WAPL: variants seen among roughly 807,000 people sequenced by gnomAD.
The protein encoded by WAPL is WAPL cohesin release factor.
A neutral mutation model predicts 121.0 loss-of-function variants in WAPL; 5 were observed. The ratio of observed to expected loss-of-function variants is 0.04; its 90% CI spans 0.02 to 0.09. The LOEUF is 0.09. Ranked by LOEUF, WAPL falls within the 10% of genes least tolerant of loss-of-function variation. WAPL has a pLI of 1.00. For synonymous variants in WAPL, 480 were observed against 481.5 expected (o/e 1.00, Z 0.04); for missense variants, 999 against 1,410.8 (o/e 0.71, Z 4.68).
rs1486178730 is a variant in WAPL, at chr10:86,453,334, C to T, written c.2835G>A (p.Glu945=). The T allele has an allele frequency of 1.2e-6, 2 of 1,613,974 alleles. No individual in the cohort carries two copies. Among genetic ancestry groups the T allele is most frequent in the Admixed American group, 1.7e-5 (1 of 60,004 alleles). Residue 945 remains glutamate (E), a splice_region_variant and synonymous_variant, in exon 14 of 19, where the codon GAG becomes GAA. Coordinates refer to ENST00000298767, the MANE Select transcript of WAPL (RefSeq NM_015045.5). Reference sequence around the variant, plus strand: ...GCTCTCCTGTTTTGGTGCTGCCCCACTCTGAAATAAGAAATGGATACAGGA... The same window carrying T: ...GCTCTCCTGTTTTGGTGCTGCCCCATTCTGAAATAAGAAATGGATACAGGA... ...GVLLNLTNDN[E]WGSTKTGEQD...
At chr10:86,452,919 A>G (rs1841024758) in intron 14 of WAPL, among the ~76,000 whole-genome samples, 1 of 151,270 alleles carries the variant, frequency 6.6e-6, no homozygotes, top group Non-Finnish European at 1.5e-5. Context: ...ACATGCCTAC[A>G]GTCCCAGCAC....
At chr10:86,447,680 T>C (rs1376948026) in intron 15 of WAPL, among the ~76,000 whole-genome samples, 1 of 152,104 alleles carries the variant, frequency 6.6e-6, no homozygotes, top group Non-Finnish European at 1.5e-5. Context: ...GTTAGGCATA[T>C]CAACTTTAAA....
intron 4 of WAPL, among the ~76,000 whole-genome samples, chr10:86,485,198 T>TA (rs1841902017): frequency 6.6e-6 from 1 of 150,770 alleles, no homozygotes; most frequent in African/African-American, 2.4e-5. Context: ...TCCTGGGAAA[T>TA]AAGAGTAAAA....
intron 4 of WAPL, among the ~76,000 whole-genome samples, chr10:86,477,533 T>C (rs1221676879): frequency 6.6e-6 from 1 of 152,204 alleles, no homozygotes; most frequent in Middle Eastern, 3.2e-3. Context: ...CCAGGTACCG[T>C]GACTCATGCC....
chr10:86,519,779 T>C (rs1842636084), intron 1 of WAPL, among the ~76,000 whole-genome samples: 1 of 152,212 alleles, frequency 6.6e-6, no homozygotes, highest in Non-Finnish European at 1.5e-5. Context: ...TACGTACACA[T>C]ACACACCAAC....
At chr10:86,520,399 A>C (rs1195782167) in intron 1 of WAPL, among the ~76,000 whole-genome samples, 1 of 152,254 alleles carries the variant, frequency 6.6e-6, no homozygotes, top group African/African-American at 2.4e-5. Flanking sequence ...ATTTTCCAAC[A>C]TTAAGGAATG....
At chr10:86,512,910 CTTGT>C (rs1343469916) in intron 2 of WAPL, among the ~76,000 whole-genome samples, 10 of 152,100 alleles carry the variant, frequency 6.6e-5, no homozygotes, top group Non-Finnish European at 1.5e-4. Context: ...ACGTTTTCTT[CTTGT>C]TTAAGGAACA....
At chr10:86,489,960 ACT>A (rs1491305897) in intron 4 of WAPL, among the ~76,000 whole-genome samples, 1 of 151,780 alleles carries the variant, frequency 6.6e-6, no homozygotes, top group Non-Finnish European at 1.5e-5. Flanking sequence ...TGGGAGGCCA[ACT>A]TTGGTACTTT....
At chr10:86,448,746 C>G (rs1840897931) in intron 15 of WAPL, among the ~76,000 whole-genome samples, 1 of 152,086 alleles carries the variant, frequency 6.6e-6, no homozygotes, top group Non-Finnish European at 1.5e-5. Context: ...TCCCAAATAG[C>G]TGGGACTACA....
At chr10:86,503,599 A>G (rs1259542595) in intron 2 of WAPL, among the ~76,000 whole-genome samples, 2 of 151,974 alleles carry the variant, frequency 1.3e-5, no homozygotes, top group African/African-American at 4.8e-5. Context: ...AAAAATACAA[A>G]AAAATGAGCC....
intron 12 of WAPL, among the ~76,000 whole-genome samples, chr10:86,455,997 T>G (rs1237323792): frequency 1.3e-5 from 2 of 152,184 alleles, no homozygotes; most frequent in Non-Finnish European, 2.9e-5. Flanking sequence ...GATTTACTAG[T>G]TGAATGTTTT....
intron 15 of WAPL, among the ~76,000 whole-genome samples, chr10:86,450,344 T>A (rs1372913579): frequency 6.6e-6 from 1 of 152,158 alleles, no homozygotes; most frequent in East Asian, 1.9e-4. Context: ...CAAGCAATCC[T>A]CTCACTTCAG....
chr10:86,478,558 A>C (rs932218240), intron 4 of WAPL, among the ~76,000 whole-genome samples: 1 of 152,104 alleles, frequency 6.6e-6, no homozygotes, highest in African/African-American at 2.4e-5. Flanking sequence ...AGCATATTTC[A>C]ATACTAGTAA....
At chr10:86,486,664 T>G (rs1328695151) in intron 4 of WAPL, among the ~76,000 whole-genome samples, 1 of 152,116 alleles carries the variant, frequency 6.6e-6, no homozygotes, top group Admixed American at 6.6e-5. Context: ...ATGATGAAAG[T>G]AAAGGTATAG....
At chr10:86,443,721 C>T (rs1369879467) in intron 16 of WAPL, 1 of 192,476 alleles carries the variant, frequency 5.2e-6, no homozygotes, top group Non-Finnish European at 1.1e-5. Flanking sequence ...AAAAACAACC[C>T]AATTAAAACT....
intron 4 of WAPL, among the ~76,000 whole-genome samples, chr10:86,478,223 A>G (rs971242730): frequency 2.6e-5 from 4 of 152,064 alleles, no homozygotes; most frequent in Non-Finnish European, 5.9e-5. Context: ...TGCGCCCAGG[A>G]GTTTGAGACA....
chr10:86,441,359 T>C (rs1017779154), intron 17 of WAPL, among the ~76,000 whole-genome samples: 50 of 152,074 alleles, frequency 3.3e-4, no homozygotes, highest in African/African-American at 1.0e-3. Flanking sequence ...GTCTAGACAT[T>C]TGTATTTCTC....
intron 2 of WAPL, among the ~76,000 whole-genome samples, chr10:86,501,983 C>G (rs1196986573): frequency 6.6e-6 from 1 of 152,216 alleles, no homozygotes; most frequent in Non-Finnish European, 1.5e-5. Flanking sequence ...TGAGCCACCA[C>G]GTCCAGCCTC....
intron 4 of WAPL, among the ~76,000 whole-genome samples, chr10:86,477,745 G>C (rs907542041): frequency 2.6e-5 from 4 of 152,124 alleles, no homozygotes; most frequent in African/African-American, 9.7e-5. Flanking sequence ...AGGCTGCAGT[G>C]AGCCAAGATT....
Sources: gnomAD v4.1 joint callset for allele counts (sites outside exome capture counted in the v4.1 genomes callset) on GRCh38, gnomAD v4.1.1 for gene constraint, MANE v1.5 for transcripts, NCBI Gene and HGNC (gene_info 2026-07-23, HGNC 2026-07-21) for gene names.